The following NAPB variants were observed in gnomAD, a reference collection of about 807,000 sequenced individuals.
NAPB encodes the protein beta-soluble NSF attachment protein.
NAPB carries 26 observed loss-of-function variants against 44.7 expected under a neutral mutation model. That is an observed-to-expected ratio of 0.58 (90% CI 0.43 to 0.81). The LOEUF (loss-of-function observed/expected upper bound fraction) is 0.81. NAPB is among the 30% of genes least tolerant of loss of function. The pLI is 0.00. For synonymous variants in NAPB, 120 were observed against 116.8 expected (o/e 1.03, Z -0.18); for missense variants, 315 against 356.4 (o/e 0.88, Z 0.94).
At chr20:23,413,900 CAAA>C (rs767830957) in intron 1 of NAPB, among the ~76,000 whole-genome samples, 2 of 128,706 alleles carry the variant, frequency 1.6e-5, no homozygotes, top group Non-Finnish European at 1.7e-5. Context: ...GACCAGAGTC[CAAA>C]AAAAAAAAAA....
intron 1 of NAPB, among the ~76,000 whole-genome samples, chr20:23,420,798 T>C (rs1986353404): frequency 7.8e-6 from 1 of 128,744 alleles, no homozygotes; most frequent in Admixed American, 7.8e-5. Context: ...AGAGGGCGCG[T>C]GAGGCTGACA....
At position 23,375,407 on chromosome 20, in the gene NAPB, C is replaced by G. The variant is rs186737166; in HGVS notation, c.*1969G>C. 6.6e-6 allele frequency: 1 copy of G among 152,312 alleles called. No homozygotes were observed. The highest frequency in any genetic ancestry group is 2.4e-5 in the African/African-American group (1 of 41,574). 9.4% of individuals were successfully genotyped at this position (152,312 alleles called of 1,614,324 possible). On this transcript the variant is annotated 3_prime_UTR_variant, in exon 11 of 11. Coordinates refer to ENST00000377026, the MANE Select transcript of NAPB (RefSeq NM_022080.3). Reference sequence around the variant, plus strand: ...TGGTCAGACCAGAAGATTCTTTAAACAAGTAGAAACAAACTACTTAAAACC... The same window carrying G: ...TGGTCAGACCAGAAGATTCTTTAAAGAAGTAGAAACAAACTACTTAAAACC...
intron 10 of NAPB, 82 bp downstream of exon 10, chr20:23,379,363 G>C: frequency 4.6e-6 from 5 of 1,081,530 alleles, no homozygotes; most frequent in Non-Finnish European, 6.8e-6. Flanking sequence ...TAAATGTTTA[G>C]AATTCACATA....
chr20:23,421,193 G>T, intron 1 of NAPB, 112 bp downstream of exon 1: 1 of 849,572 alleles, frequency 1.2e-6, no homozygotes, highest in Non-Finnish European at 1.8e-6. Flanking sequence ...GCCCCTAGAC[G>T]TGGTCTGAGG....
intron 1 of NAPB, among the ~76,000 whole-genome samples, chr20:23,405,574 A>G (rs1025227004): frequency 6.6e-6 from 1 of 152,100 alleles, no homozygotes; most frequent in African/African-American, 2.4e-5. Context: ...AAATACAAAA[A>G]TTAGCTGGGC....
At chr20:23,400,429 T>C (rs1198161374) in intron 2 of NAPB, among the ~76,000 whole-genome samples, 3 of 152,092 alleles carry the variant, frequency 2.0e-5, no homozygotes, top group African/African-American at 7.2e-5. Flanking sequence ...GGCAGGAGAA[T>C]CGCTTAAACT....
At chr20:23,388,695 G>A (rs113119082) in intron 7 of NAPB, among the ~76,000 whole-genome samples, 3,067 of 152,090 alleles carry the variant, frequency 0.02, 104 homozygotes, top group African/African-American at 0.07. Flanking sequence ...TAGAAAAACT[G>A]GATATCCACA....
At chr20:23,396,862 T>C (rs773093738) in intron 3 of NAPB, 1 of 356,872 alleles carries the variant, frequency 2.8e-6, no homozygotes, top group Non-Finnish European at 4.9e-6. Flanking sequence ...ACAGCCAGTA[T>C]AAATTTAACA....
intron 10 of NAPB, 186 bp downstream of exon 10, chr20:23,379,259 C>G (rs575409710): frequency 2.1e-6 from 1 of 477,668 alleles, no homozygotes; most frequent in Non-Finnish European, 3.7e-6. Context: ...TAAGTCGAAT[C>G]TCAGCATGGC....
At position 23,411,045 on chromosome 20, in the gene NAPB, C is replaced by T. The variant is rs577807861; in HGVS notation, c.99-7973G>A. Among the ~76,000 whole-genome samples, 8 of 151,650 alleles carry T rather than the reference C, an allele frequency of 5.3e-5. No homozygotes were observed. In the South Asian group the frequency reaches 1.5e-3, roughly 28 times the overall value. On this transcript the variant is annotated intron_variant, in intron 1 of 10. Coordinates refer to ENST00000377026, the MANE Select transcript of NAPB (RefSeq NM_022080.3). ...AAAACTATGAAAACAGCCAAGAGAA[C>T]AAAAATGAAGAGAAAAGGATCTAAG...
chr20:23,400,075 C>G (rs1984716673), intron 2 of NAPB, among the ~76,000 whole-genome samples: 1 of 152,196 alleles, frequency 6.6e-6, no homozygotes, highest in Admixed American at 6.5e-5. Flanking sequence ...CACCCAGGCT[C>G]TTCTGGGCTA....
intron 2 of NAPB, among the ~76,000 whole-genome samples, chr20:23,400,910 A>G (rs1406278982): frequency 6.6e-6 from 1 of 152,232 alleles, no homozygotes; most frequent in Admixed American, 6.5e-5. Context: ...CCATATAATA[A>G]AAACATGTAA....
intron 9 of NAPB, 122 bp downstream of exon 9, chr20:23,379,745 T>C (rs1982847106): frequency 1.3e-6 from 1 of 751,046 alleles, no homozygotes; most frequent in Non-Finnish European, 2.2e-6. Flanking sequence ...AGCAGGAAAG[T>C]ACCAGGGCCC....
intron 1 of NAPB, among the ~76,000 whole-genome samples, chr20:23,403,546 T>G (rs1985008927): frequency 1.4e-5 from 2 of 146,446 alleles, no homozygotes; most frequent in South Asian, 4.4e-4. Context: ...GAGGTTGTAG[T>G]GAGCTGAGAT....
At position 23,377,368 on chromosome 20, in the gene NAPB, A is replaced by G. The variant is rs377046953; in HGVS notation, c.*8T>C. ...GAGTTAGCTGCATGCCACAAAGACA[A>G]AAACATTTCATTTTAGGTCTCCATC... On this transcript the variant is annotated 3_prime_UTR_variant, in exon 11 of 11. Transcript: ENST00000377026. 71 of 1,569,396 alleles carry G rather than the reference A, an allele frequency of 4.5e-5. No individual in the cohort carries two copies. The African/African-American group carries it at 8.3e-4, about 18-fold the overall frequency.
chr20:23,411,066 C>G (rs1366068399), intron 1 of NAPB, among the ~76,000 whole-genome samples: 1 of 151,968 alleles, frequency 6.6e-6, no homozygotes, highest in Non-Finnish European at 1.5e-5. Flanking sequence ...AGAAAAGGAT[C>G]TAAGTAAAAG....
chr20:23,403,147 T>C, intron 1 of NAPB, 75 bp from the exon 2 acceptor site: 2 of 1,048,146 alleles, frequency 1.9e-6, no homozygotes, highest in Non-Finnish European at 2.9e-6. Context: ...ATGATTAACA[T>C]TTAGTATATA....
At position 23,381,462 on chromosome 20, in the gene NAPB, T is replaced by C. The variant is rs1983000052; in HGVS notation, c.562-145A>G. Reference sequence around the variant, plus strand: ...TATATTATTTTATCCGAATACCATATAGTAGAAATTTTACTAGACAAGACC... The same window carrying C: ...TATATTATTTTATCCGAATACCATACAGTAGAAATTTTACTAGACAAGACC... On this transcript the variant is annotated intron_variant, in intron 7 of 10. Transcript: ENST00000377026. 3 of 532,938 alleles carry C rather than the reference T, an allele frequency of 5.6e-6. No individual in the cohort carries two copies. In the East Asian group the frequency reaches 1.0e-4, roughly 18 times the overall value. The allele number at this position is 532,938 out of a possible 1,614,324, so 33.0% of individuals were successfully genotyped here.
intron 7 of NAPB, among the ~76,000 whole-genome samples, chr20:23,386,570 C>T (rs1983539731): frequency 6.6e-6 from 1 of 152,176 alleles, no homozygotes; most frequent in South Asian, 2.1e-4. Flanking sequence ...CTGGCACTTA[C>T]AAAAAGTAAA....
Sources: gnomAD v4.1 joint callset for allele counts (sites outside exome capture counted in the v4.1 genomes callset) on GRCh38, gnomAD v4.1.1 for gene constraint, MANE v1.5 for transcripts, NCBI Gene and HGNC (gene_info 2026-07-23, HGNC 2026-07-21) for gene names.